CPED1: variants seen among roughly 807,000 people sequenced by gnomAD.
The protein encoded by CPED1 is cadherin like and PC-esterase domain containing 1.
Under a neutral mutation model 128.2 loss-of-function variants are expected in CPED1, and 114 were observed. The observed-to-expected ratio is 0.89, with a 90% CI of 0.76 to 1.04. The LOEUF is 1.04. Among genes scored for constraint, CPED1 ranks in the 50% least tolerant of loss-of-function variants. The pLI is 0.00. For missense variants in CPED1, 1,211 were observed against 1,207.1 expected, an observed-to-expected ratio of 1.00 and a Z score of -0.05; for synonymous variants, 462 against 426.7, an observed-to-expected ratio of 1.08 and a Z score of -1.02.
intron 22 of CPED1, among the ~76,000 whole-genome samples, chr7:121,290,051 G>A (rs1451399096): frequency 1.3e-5 from 2 of 152,142 alleles, no homozygotes; most frequent in Admixed American, 6.5e-5. Context: ...GTGAGACCAT[G>A]CGGTGTTTGG....
chr7:121,176,094 A>G (rs1227300897), intron 16 of CPED1, among the ~76,000 whole-genome samples: 2 of 151,326 alleles, frequency 1.3e-5, no homozygotes, highest in African/African-American at 4.9e-5. Flanking sequence ...GTCTAATACT[A>G]GCAGGACTCT....
chr7:121,288,438 A>G (rs1214125901), intron 22 of CPED1, among the ~76,000 whole-genome samples: 3 of 152,200 alleles, frequency 2.0e-5, no homozygotes, highest in African/African-American at 7.2e-5. Flanking sequence ...AAGTAACCCC[A>G]TCATCCTGAT....
Position 121,271,437 on chromosome 7 carries a change from A to T in CPED1, c.2868+7A>T. ...TGGATGTCATTTCCATGAGGTATTT[A>T]TGCTGGCTATCTGAGTTTTATAGCT... On this transcript the variant is annotated splice_region_variant and intron_variant, in intron 22 of 22. Coordinates refer to ENST00000310396, the MANE Select transcript of CPED1 (RefSeq NM_024913.5). 2 of 1,610,186 alleles carry T rather than the reference A, an allele frequency of 1.2e-6. No homozygotes were observed. Among genetic ancestry groups the T allele is most frequent in the Non-Finnish European group, 8.5e-7 (1 of 1,177,990 alleles).
intron 2 of CPED1, among the ~76,000 whole-genome samples, chr7:121,011,596 TG>T (rs1211137536): frequency 6.6e-6 from 1 of 152,152 alleles, no homozygotes; most frequent in African/African-American, 2.4e-5. Context: ...GTTTTTAGGC[TG>T]GGAAAGCAAA....
intron 5 of CPED1, chr7:121,083,580 T>G (rs1937994029): frequency 6.6e-6 from 1 of 152,210 alleles, no homozygotes; most frequent in Non-Finnish European, 1.5e-5. Flanking sequence ...GTTTTCAGAA[T>G]GAGTAATTGC....
At chr7:121,002,671 T>TA (rs59548965) in intron 2 of CPED1, among the ~76,000 whole-genome samples, 41,157 of 151,920 alleles carry the variant, frequency 0.27, 6,473 homozygotes, top group African/African-American at 0.42. Context: ...ATGTTTCTTT[T>TA]AAAAAAACAA....
chr7:121,013,806 G>A (rs1235251377), intron 2 of CPED1, among the ~76,000 whole-genome samples: 1 of 152,150 alleles, frequency 6.6e-6, no homozygotes, highest in African/African-American at 2.4e-5. Context: ...GTCCTCAAAG[G>A]ATTTACAATC....
At chr7:121,287,090 T>C (rs1249855317) in intron 22 of CPED1, among the ~76,000 whole-genome samples, 1 of 152,188 alleles carries the variant, frequency 6.6e-6, no homozygotes. Context: ...CAATTACCTC[T>C]ACCTGGTCTC....
chr7:121,139,878 G>GC (rs556312464), intron 14 of CPED1, among the ~76,000 whole-genome samples: 1 of 151,598 alleles, frequency 6.6e-6, no homozygotes, highest in South Asian at 2.1e-4. Context: ...TTTATGTAAG[G>GC]CAACACCAAG....
chr7:121,181,072 G>T (rs534050932), intron 16 of CPED1, among the ~76,000 whole-genome samples: 2 of 152,064 alleles, frequency 1.3e-5, no homozygotes, highest in African/African-American at 2.4e-5. Context: ...GGGTTCTACT[G>T]TACTCAAGGA....
intron 4 of CPED1, among the ~76,000 whole-genome samples, chr7:121,048,650 G>A (rs939505810): frequency 1.3e-5 from 2 of 151,754 alleles, no homozygotes; most frequent in South Asian, 2.1e-4. Context: ...AGCAATTATT[G>A]GGCCTCAGCC....
rs144191119 is a variant in CPED1 at position 121,165,439 on chromosome 7, T to C, written c.2055+23298T>C. On this transcript the variant is annotated intron_variant, in intron 16 of 22. Coordinates refer to ENST00000310396, the MANE Select transcript of CPED1 (RefSeq NM_024913.5). ...CTGTTCATTAATGACCAAATTCATGTTTAAGGACACAATTTTGTATGAGTA... is the reference window on the plus strand; with the variant it reads ...CTGTTCATTAATGACCAAATTCATGCTTAAGGACACAATTTTGTATGAGTA... Among the ~76,000 whole-genome samples the C allele has an allele frequency of 2.8e-4, 43 of 152,322 alleles. 1 individual carries two copies. The East Asian group carries it at 7.7e-3, about 27-fold the overall frequency.
chr7:121,285,233 A>G (rs1792541635), intron 22 of CPED1, among the ~76,000 whole-genome samples: 1 of 152,190 alleles, frequency 6.6e-6, no homozygotes, highest in African/African-American at 2.4e-5. Flanking sequence ...ACAGGGCAGT[A>G]TGTCCTGAGG....
intron 3 of CPED1, among the ~76,000 whole-genome samples, chr7:121,040,787 C>T (rs10257314): frequency 0.49 from 74,236 of 151,694 alleles, 19,144 homozygotes; most frequent in South Asian, 0.65. Flanking sequence ...AGGAAAAAAA[C>T]TCAGGAAATC....
chr7:121,134,395 GA>G (rs1563039867), intron 13 of CPED1, among the ~76,000 whole-genome samples: 1 of 152,034 alleles, frequency 6.6e-6, no homozygotes, highest in African/African-American at 2.4e-5. Context: ...CAGAAGTAGA[GA>G]GGGTTTACCA....
At chr7:121,074,885 T>TG (rs1318005888) in intron 5 of CPED1, among the ~76,000 whole-genome samples, 49 of 152,276 alleles carry the variant, frequency 3.2e-4, no homozygotes, top group African/African-American at 1.1e-3. Flanking sequence ...TCACAAAAAA[T>TG]GCAATGTTTT....
chr7:121,274,987 G>A (rs1474322769), intron 22 of CPED1, among the ~76,000 whole-genome samples: 1 of 151,998 alleles, frequency 6.6e-6, no homozygotes. Context: ...TAAAATACTA[G>A]CAAGAGTTGA....
chr7:121,049,690 G>A (rs969272617), intron 4 of CPED1, among the ~76,000 whole-genome samples: 1 of 152,194 alleles, frequency 6.6e-6, no homozygotes, highest in Admixed American at 6.5e-5. Flanking sequence ...CAAGTGATAT[G>A]AAACTGCTTA....
At chr7:121,292,192 G>T (rs1353244423) in intron 22 of CPED1, among the ~76,000 whole-genome samples, 3 of 151,810 alleles carry the variant, frequency 2.0e-5, no homozygotes, top group African/African-American at 7.3e-5. Context: ...ATATTTCTTG[G>T]AGGCTTTGTT....
Sources: gnomAD v4.1 joint callset for allele counts (sites outside exome capture counted in the v4.1 genomes callset) on GRCh38, gnomAD v4.1.1 for gene constraint, MANE v1.5 for transcripts, NCBI Gene and HGNC (gene_info 2026-07-23, HGNC 2026-07-21) for gene names.